PREX2: variants seen among roughly 807,000 people sequenced by gnomAD.
PREX2 encodes phosphatidylinositol 3,4,5-trisphosphate-dependent Rac exchanger 2 protein.
In PREX2, 107 loss-of-function variants were observed where a neutral mutation model predicts 203.2. The ratio of observed to expected loss-of-function variants is 0.53; its 90% CI spans 0.45 to 0.62. PREX2 has a LOEUF of 0.62. Among genes scored for constraint, PREX2 ranks in the 20% least tolerant of loss-of-function variants. The probability of loss-of-function intolerance (pLI) is 0.00; values close to 1 mark genes in which losing one functional copy is unlikely to be tolerated. For missense variants in PREX2, 1,777 were observed against 1,955.9 expected, an observed-to-expected ratio of 0.91 and a Z score of 1.72; for synonymous variants, 672 against 663.6, an observed-to-expected ratio of 1.01 and a Z score of -0.19.
rs754423644 is a variant in PREX2 at position 68,087,716 on chromosome 8, T to A, written c.2028-8T>A. ...GCTTCATCTTACCTTATTTTCTGAT[T>A]GATTTAGGACAGTGAAAATTCCAGA... On this transcript the variant is annotated splice_polypyrimidine_tract_variant and splice_region_variant and intron_variant, in intron 18 of 39. Transcript: ENST00000288368. 1.2e-6 allele frequency: 2 copies of A among 1,605,646 alleles called. No individual in the cohort carries two copies. The highest frequency in any genetic ancestry group is 1.1e-5 in the South Asian group (1 of 90,904).
intron 21 of PREX2, 45 bp from the exon 22 acceptor site, chr8:68,096,972 C>T: frequency 7.3e-6 from 11 of 1,511,832 alleles, no homozygotes; most frequent in Non-Finnish European, 9.1e-6. Context: ...AGGAGATTAA[C>T]AAATCCTTCA....
Position 68,143,132 on chromosome 8 carries a change from T to C in PREX2, c.4088-3077T>C, listed in dbSNP as rs572829235. ...TGAGGTCTTTAGCCTATTTTTAAAA[T>C]TGGTGATATAGTTTGGATGTGTGTC... is the stretch of plus-strand genomic sequence containing the variant. On this transcript the variant is annotated intron_variant, in intron 33 of 39. Transcript: ENST00000288368. Among the ~76,000 whole-genome samples, 11 of 152,302 alleles carry C rather than the reference T, an allele frequency of 7.2e-5. No individual in the cohort carries two copies. In the East Asian group the frequency reaches 2.1e-3, roughly 29 times the overall value.
At chr8:67,955,653 A>G (rs1035285057) in intron 1 of PREX2, among the ~76,000 whole-genome samples, 3 of 152,212 alleles carry the variant, frequency 2.0e-5, no homozygotes, top group African/African-American at 7.2e-5. Flanking sequence ...CCTTGAGGAC[A>G]GGGACATACC....
chr8:68,217,823 A>T, intron 38 of PREX2, 105 bp downstream of exon 38: 1 of 680,274 alleles, frequency 1.5e-6, no homozygotes. Context: ...TGTGATGGAC[A>T]GTTTACTAGG....
chr8:68,010,291 C>T (rs1478263856), intron 1 of PREX2, among the ~76,000 whole-genome samples: 3 of 152,110 alleles, frequency 2.0e-5, no homozygotes, highest in Non-Finnish European at 2.9e-5. Flanking sequence ...AGAATTTTTG[C>T]CTCGATACCT....
At chr8:68,105,222 A>T (rs752176990) in intron 23 of PREX2, 8 of 1,367,668 alleles carry the variant, frequency 5.8e-6, no homozygotes, top group Non-Finnish European at 9.8e-7. Flanking sequence ...TGTAAGCAGC[A>T]CATTTCCAGT....
At chr8:67,975,272 GTTTTTTTTT>G (rs75276095) in intron 1 of PREX2, among the ~76,000 whole-genome samples, 10 of 96,822 alleles carry the variant, frequency 1.0e-4, no homozygotes, top group South Asian at 3.0e-4. Flanking sequence ...CACACGGCCT[GTTTTTTTTT>G]TTTTTTTTTT....
chr8:68,080,056 T>C (rs1809465992), intron 15 of PREX2, among the ~76,000 whole-genome samples: 1 of 152,186 alleles, frequency 6.6e-6, no homozygotes, highest in African/African-American at 2.4e-5. Flanking sequence ...ATGTTTAAAG[T>C]GTTTACTACA....
At position 68,077,472 on chromosome 8, in the gene PREX2, AG is replaced by A; in HGVS notation, c.1642+6del. 6.2e-7 allele frequency: 1 copy of A among 1,605,502 alleles called. No individual in the cohort carries two copies. Among genetic ancestry groups the A allele is most frequent in the Non-Finnish European group, 8.5e-7 (1 of 1,172,234 alleles). On this transcript the variant is annotated splice_donor_region_variant and intron_variant, in intron 15 of 39. Coordinates refer to ENST00000288368, the MANE Select transcript of PREX2 (RefSeq NM_024870.4). ...TGACAATGGATTTATGCACCATGGT[AG>A]GGATTTTTTACCCTGGGAGCTTACA...
intron 37 of PREX2, among the ~76,000 whole-genome samples, chr8:68,208,514 C>T (rs1010314956): frequency 5.9e-5 from 9 of 151,976 alleles, no homozygotes; most frequent in Non-Finnish European, 1.3e-4. Context: ...TTTCTTTTAA[C>T]TTCTCTCTTA....
At chr8:68,017,792 C>A in intron 1 of PREX2, 54 bp from the exon 2 acceptor site, 1 of 1,407,800 alleles carries the variant, frequency 7.1e-7, no homozygotes, top group South Asian at 1.2e-5. Flanking sequence ...ACTCAACACC[C>A]AGTCATTTTA....
chr8:68,193,365 A>C (rs1812334267), intron 37 of PREX2, among the ~76,000 whole-genome samples: 1 of 152,142 alleles, frequency 6.6e-6, no homozygotes, highest in African/African-American at 2.4e-5. Context: ...CAGAACATGC[A>C]GTTTTGTTAC....
intron 1 of PREX2, among the ~76,000 whole-genome samples, chr8:67,959,726 A>T (rs1005255755): frequency 1.3e-5 from 2 of 152,178 alleles, no homozygotes; most frequent in African/African-American, 4.8e-5. Flanking sequence ...CTGCTTCTCC[A>T]GTGTACAGCT....
At chr8:68,148,015 G>A (rs765331077) in intron 34 of PREX2, among the ~76,000 whole-genome samples, 51 of 152,138 alleles carry the variant, frequency 3.4e-4, no homozygotes, top group Non-Finnish European at 1.8e-4. Context: ...GGGAGGCCGA[G>A]GCAGGTGAAT....
At chr8:68,061,941 T>TG (rs1403541246) in intron 11 of PREX2, among the ~76,000 whole-genome samples, 1 of 152,148 alleles carries the variant, frequency 6.6e-6, no homozygotes, top group Admixed American at 6.5e-5. Context: ...TGGTAAATTG[T>TG]GGGGGAGGAG....
chr8:67,999,478 CAAAAAA>C (rs58916146), intron 1 of PREX2, among the ~76,000 whole-genome samples: 12 of 92,102 alleles, frequency 1.3e-4, no homozygotes, highest in African/African-American at 4.1e-4. Context: ...GCCAACAAAC[CAAAAAA>C]AAAAAAAAAA....
Position 68,114,993 on chromosome 8 carries a change from TTTTTCTTTTCTTTC to T in PREX2, c.3147-741_3147-728del, listed in dbSNP as rs1455876973. On this transcript the variant is annotated intron_variant, in intron 25 of 39. Coordinates refer to ENST00000288368, the MANE Select transcript of PREX2 (RefSeq NM_024870.4). ...TTTAAAGATTACTGAGTATTTTCTG[TTTTTCTTTTCTTTC>T]TTTTCTTTTCTTTCTTTTTTTTTTT... is the stretch of plus-strand genomic sequence containing the variant. 6.1e-4 allele frequency among the ~76,000 whole-genome samples: 92 copies of T among 151,044 alleles called. 2 individuals carry two copies. Among genetic ancestry groups the T allele is most frequent in the African/African-American group, 1.5e-3 (63 of 40,790 alleles).
intron 14 of PREX2, among the ~76,000 whole-genome samples, chr8:68,075,501 C>T (rs1349711655): frequency 6.6e-6 from 1 of 152,160 alleles, no homozygotes; most frequent in Non-Finnish European, 1.5e-5. Flanking sequence ...GATCCTCTAG[C>T]CTAGGCTCAG....
chr8:68,081,687 T>G (rs931521157), intron 17 of PREX2, among the ~76,000 whole-genome samples: 6 of 152,170 alleles, frequency 3.9e-5, no homozygotes, highest in African/African-American at 1.4e-4. Context: ...ATGCTCCTGA[T>G]GTTCTCTCAC....
Sources: gnomAD v4.1 joint callset for allele counts (sites outside exome capture counted in the v4.1 genomes callset) on GRCh38, gnomAD v4.1.1 for gene constraint, MANE v1.5 for transcripts, NCBI Gene and HGNC (gene_info 2026-07-23, HGNC 2026-07-21) for gene names.